Variants in EPHA7 observed in about 807,000 individuals in gnomAD.
EPHA7 encodes EPH receptor A7.
In EPHA7, 25 loss-of-function variants were observed where a neutral mutation model predicts 112.6. The ratio of observed to expected loss-of-function variants is 0.22; its 90% CI spans 0.16 to 0.31. The LOEUF is 0.31. EPHA7 is among the 10% of genes least tolerant of loss of function. The pLI is 1.00. For synonymous variants in EPHA7, 437 were observed against 406.5 expected, an observed-to-expected ratio of 1.07 and a Z score of -0.90; for missense variants, 962 against 1,212.6, an observed-to-expected ratio of 0.79 and a Z score of 3.07.
At chr6:93,288,683 C>A (rs566651771) in intron 5 of EPHA7, among the ~76,000 whole-genome samples, 2 of 151,344 alleles carry the variant, frequency 1.3e-5, no homozygotes, top group East Asian at 3.9e-4. Context: ...CATAAATCTT[C>A]CCTCATTTTG....
chr6:93,293,089 T>A (rs908020171), intron 5 of EPHA7, among the ~76,000 whole-genome samples: 5 of 151,986 alleles, frequency 3.3e-5, no homozygotes, highest in Non-Finnish European at 2.9e-5. Context: ...AAAGATTTTT[T>A]AAAAATATTG....
At chr6:93,286,419 T>C (rs557163200) in intron 5 of EPHA7, among the ~76,000 whole-genome samples, 9 of 152,270 alleles carry the variant, frequency 5.9e-5, no homozygotes, top group African/African-American at 1.7e-4. Context: ...GGCTGGGAAA[T>C]GGATTTTTAA....
At chr6:93,270,157 C>A (rs345714) in intron 6 of EPHA7, among the ~76,000 whole-genome samples, 4,225 of 151,306 alleles carry the variant, frequency 0.028, 179 homozygotes, top group African/African-American at 0.097. Flanking sequence ...TTAAAACAAC[C>A]CTGAATTTCT....
chr6:93,267,423 G>A (rs1335390293), intron 7 of EPHA7, among the ~76,000 whole-genome samples: 1 of 151,670 alleles, frequency 6.6e-6, no homozygotes, highest in East Asian at 1.9e-4. Flanking sequence ...AGAGAGATTT[G>A]AAACCAGGCA....
At chr6:93,397,617 G>A (rs1371018258) in intron 3 of EPHA7, among the ~76,000 whole-genome samples, 2 of 151,874 alleles carry the variant, frequency 1.3e-5, no homozygotes, top group South Asian at 2.1e-4. Context: ...ATTCTCATGC[G>A]TATGTCCATC....
chr6:93,277,617 A>T (rs1347624000), intron 5 of EPHA7, among the ~76,000 whole-genome samples: 1 of 151,976 alleles, frequency 6.6e-6, no homozygotes, highest in South Asian at 2.1e-4. Context: ...AACCAACATA[A>T]ATTTTCATTC....
chr6:93,244,706 T>A (rs896836046), intron 16 of EPHA7, among the ~76,000 whole-genome samples: 6 of 152,108 alleles, frequency 3.9e-5, no homozygotes, highest in Admixed American at 1.3e-4. Context: ...TGATCATACA[T>A]CTTCCAAAAA....
intron 3 of EPHA7, among the ~76,000 whole-genome samples, chr6:93,383,662 A>C (rs988122308): frequency 1.3e-5 from 2 of 152,174 alleles, no homozygotes; most frequent in African/African-American, 4.8e-5. Context: ...TTGATCATAA[A>C]AATCAGAGAG....
At chr6:93,258,055 ACACT>A (rs755033726) in intron 11 of EPHA7, 40 bp downstream of exon 11, 77 of 1,530,080 alleles carry the variant, frequency 5.0e-5, no homozygotes, top group African/African-American at 6.9e-5. Context: ...CTAATTTCTG[ACACT>A]CAGTCTTTTT....
intron 16 of EPHA7, among the ~76,000 whole-genome samples, chr6:93,244,051 A>T (rs1157437881): frequency 6.6e-6 from 1 of 152,130 alleles, no homozygotes; most frequent in East Asian, 1.9e-4. Context: ...TACTTATTTC[A>T]GTGAGTTCAA....
chr6:93,297,658 T>G (rs376315510), intron 5 of EPHA7, among the ~76,000 whole-genome samples: 1 of 152,132 alleles, frequency 6.6e-6, no homozygotes, highest in African/African-American at 2.4e-5. Flanking sequence ...CCACTGGTTA[T>G]TAAAATAAAA....
chr6:93,349,062 C>T (rs774958061), intron 5 of EPHA7, among the ~76,000 whole-genome samples: 7 of 151,558 alleles, frequency 4.6e-5, no homozygotes, highest in African/African-American at 1.7e-4. Flanking sequence ...TGGGCCTTTA[C>T]GTGTAAAGGA....
At chr6:93,245,772 G>T (rs188957280) in intron 15 of EPHA7, among the ~76,000 whole-genome samples, 1 of 152,150 alleles carries the variant, frequency 6.6e-6, no homozygotes, top group South Asian at 2.1e-4. Context: ...GGGAGTAAAT[G>T]ATGCACATAT....
intron 3 of EPHA7, among the ~76,000 whole-genome samples, chr6:93,402,792 A>G (rs1468420748): frequency 1.3e-5 from 2 of 152,038 alleles, no homozygotes; most frequent in African/African-American, 4.8e-5. Context: ...ATATAATTTT[A>G]TAACAAAAGT....
intron 5 of EPHA7, among the ~76,000 whole-genome samples, chr6:93,310,444 A>G (rs1412969623): frequency 1.3e-5 from 2 of 152,158 alleles, no homozygotes; most frequent in African/African-American, 4.8e-5. Flanking sequence ...AGTTGCGTGG[A>G]TGATGAGGTC....
chr6:93,375,585 T>G (rs894832013), intron 3 of EPHA7, among the ~76,000 whole-genome samples: 1 of 143,138 alleles, frequency 7.0e-6, no homozygotes, highest in Non-Finnish European at 1.5e-5. Context: ...AGACCTTGAC[T>G]CAAAAAACAA....
intron 3 of EPHA7, among the ~76,000 whole-genome samples, chr6:93,388,161 T>C (rs1465951691): frequency 1.3e-5 from 2 of 152,298 alleles, no homozygotes; most frequent in Non-Finnish European, 2.9e-5. Flanking sequence ...TTTGTGCACT[T>C]CTTTCTTCCT....
At chr6:93,316,338 C>T (rs1218735452) in intron 5 of EPHA7, among the ~76,000 whole-genome samples, 1 of 152,090 alleles carries the variant, frequency 6.6e-6, no homozygotes, top group African/African-American at 2.4e-5. Flanking sequence ...TTAAGATTTT[C>T]ATTTTATTGA....
At position 93,367,377 on chromosome 6, in the gene EPHA7, T is replaced by C. The variant is rs1776568108; in HGVS notation, c.833-8966A>G. ...ACATCAGTTTTATTATACATTCTCA[T>C]TATGAAAACCTACTGAGAAAGGTCA... On this transcript the variant is annotated intron_variant, in intron 3 of 16. Transcript: ENST00000369303. Among the ~76,000 whole-genome samples, 2 of 152,186 alleles carry C rather than the reference T, an allele frequency of 1.3e-5. 1 individual carries two copies. The highest frequency in any genetic ancestry group is 4.1e-4 in the South Asian group (2 of 4,828).
Sources: gnomAD v4.1 joint callset for allele counts (sites outside exome capture counted in the v4.1 genomes callset) on GRCh38, gnomAD v4.1.1 for gene constraint, MANE v1.5 for transcripts, NCBI Gene and HGNC (gene_info 2026-07-23, HGNC 2026-07-21) for gene names.